Variants in HAUS1 observed in about 807,000 individuals in gnomAD.
The protein encoded by HAUS1 is HAUS augmin-like complex subunit 1.
Under a neutral mutation model 38.6 loss-of-function variants are expected in HAUS1, and 25 were observed. That is an observed-to-expected ratio of 0.65 (90% CI 0.47 to 0.91). HAUS1 has a LOEUF of 0.91. Ranked by LOEUF, HAUS1 falls within the 40% of genes least tolerant of loss-of-function variation. HAUS1 has a pLI of 0.00. For missense variants in HAUS1, 325 were observed against 328.4 expected, an observed-to-expected ratio of 0.99 and a Z score of 0.08; for synonymous variants, 109 against 112.9, an observed-to-expected ratio of 0.97 and a Z score of 0.22.
chr18:46,126,476 A>G (rs1912107960), intron 8 of HAUS1, among the ~76,000 whole-genome samples: 2 of 152,176 alleles, frequency 1.3e-5, no homozygotes, highest in South Asian at 4.1e-4. Flanking sequence ...CATGAAATGT[A>G]AGATAAAGTT....
intron 2 of HAUS1, 108 bp downstream of exon 2, chr18:46,105,476 TATTTTTCC>T: frequency 4.3e-6 from 4 of 921,584 alleles, no homozygotes; most frequent in Non-Finnish European, 6.5e-6. Flanking sequence ...TTTGCTCCTT[TATTTTTCC>T]CAGATTTTCT....
At chr18:46,113,725 TTTG>T (rs375453143) in intron 2 of HAUS1, among the ~76,000 whole-genome samples, 30 of 152,266 alleles carry the variant, frequency 2.0e-4, no homozygotes, top group East Asian at 9.6e-4. Context: ...ATTCCTCTTT[TTTG>T]TTGTTGTTGT....
At position 46,105,188 on chromosome 18, in the gene HAUS1, G is replaced by A. The variant is rs1455360472; in HGVS notation, c.31-6G>A. On this transcript the variant is annotated splice_polypyrimidine_tract_variant and splice_region_variant and intron_variant, in intron 1 of 8. Coordinates refer to ENST00000282058, the MANE Select transcript of HAUS1 (RefSeq NM_138443.4). ...TTATAATATTTGTCTTTCTTTTAATGGTTAGGTTGCTGCGTGGTTAAAAAA... is the reference window on the plus strand; with the variant it reads ...TTATAATATTTGTCTTTCTTTTAATAGTTAGGTTGCTGCGTGGTTAAAAAA... 5 of 1,599,182 alleles carry A rather than the reference G, an allele frequency of 3.1e-6. No individual in the cohort carries two copies. The highest frequency in any genetic ancestry group is 4.3e-6 in the Non-Finnish European group (5 of 1,169,762).
intron 2 of HAUS1, among the ~76,000 whole-genome samples, chr18:46,113,500 C>A (rs1016233150): frequency 2.5e-5 from 1 of 40,354 alleles, no homozygotes; most frequent in Non-Finnish European, 4.6e-5. Context: ...CCATTTAGTT[C>A]TTTTCTTACA....
At chr18:46,115,210 A>G (rs897768728) in intron 2 of HAUS1, 3 of 152,256 alleles carry the variant, frequency 2.0e-5, no homozygotes, top group Admixed American at 6.5e-5. Context: ...GTGTAATCCC[A>G]GCACTTGGGG....
intron 2 of HAUS1, among the ~76,000 whole-genome samples, chr18:46,117,493 G>A (rs1911824390): frequency 1.3e-5 from 2 of 152,116 alleles, no homozygotes; most frequent in South Asian, 4.1e-4. Flanking sequence ...ATAAAGACAG[G>A]GAGTGGTTGC....
intron 2 of HAUS1, among the ~76,000 whole-genome samples, chr18:46,117,684 C>G (rs1233531405): frequency 6.6e-6 from 1 of 152,062 alleles, no homozygotes; most frequent in Non-Finnish European, 1.5e-5. Context: ...GTGGCTTACG[C>G]TTGTAATTCC....
intron 2 of HAUS1, among the ~76,000 whole-genome samples, chr18:46,110,264 C>A (rs903270913): frequency 2.0e-5 from 3 of 149,354 alleles, no homozygotes; most frequent in Admixed American, 6.7e-5. Flanking sequence ...CAAGTGATCC[C>A]CCTGCCTCAG....
chr18:46,118,377 T>G (rs1911851919), intron 3 of HAUS1, 61 bp downstream of exon 3: 3 of 1,521,448 alleles, frequency 2.0e-6, no homozygotes, highest in Admixed American at 3.6e-5. Flanking sequence ...TTAAAGACTT[T>G]TTGTTCTCAG....
At chr18:46,113,644 C>T (rs1911730831) in intron 2 of HAUS1, among the ~76,000 whole-genome samples, 1 of 152,140 alleles carries the variant, frequency 6.6e-6, no homozygotes, top group Non-Finnish European at 1.5e-5. Flanking sequence ...ATAAAGCCAA[C>T]ATCTTGTCAT....
At chr18:46,127,129 C>T (rs994341518) in intron 8 of HAUS1, among the ~76,000 whole-genome samples, 20 of 151,056 alleles carry the variant, frequency 1.3e-4, no homozygotes, top group Admixed American at 2.6e-4. Flanking sequence ...CCACCGTGCG[C>T]GGCCAAATTT....
intron 1 of HAUS1, among the ~76,000 whole-genome samples, chr18:46,104,926 A>G (rs1911417862): frequency 6.6e-6 from 1 of 152,074 alleles, no homozygotes. Flanking sequence ...AAGCGAGGCA[A>G]ATTGTTAGCC....
intron 8 of HAUS1, among the ~76,000 whole-genome samples, chr18:46,127,485 C>A (rs1348669399): frequency 6.6e-6 from 1 of 151,812 alleles, no homozygotes; most frequent in Non-Finnish European, 1.5e-5. Flanking sequence ...GTGGGTGGAT[C>A]AAAAGGTCAA....
intron 4 of HAUS1, among the ~76,000 whole-genome samples, chr18:46,121,388 C>T (rs1013267347): frequency 6.6e-6 from 1 of 152,066 alleles, no homozygotes; most frequent in Non-Finnish European, 1.5e-5. Flanking sequence ...GACGGGGTTT[C>T]ACCATGTTGG....
At position 46,118,224 on chromosome 18, in the gene HAUS1, C is replaced by T. The variant is rs762323019; in HGVS notation, c.249C>T (p.Ser83=). 8 of 1,611,980 alleles carry T rather than the reference C, an allele frequency of 5.0e-6. No homozygotes were observed. The African/African-American group carries it at 1.1e-4, about 22-fold the overall frequency. ...TTCTCATGGAGAGTGTGAATTTTTC[C>T]CCCGCCAATCTCTCTAGCACTGGTT... ...QDLLMESVNF[S]PANLSSTGSR... is the part of the protein sequence containing the mutation. The change falls in exon 3 of 9, where the codon TCC becomes TCT. Residue 83 remains serine (S), a synonymous_variant. Transcript: ENST00000282058.
chr18:46,108,996 G>A (rs1383073907), intron 2 of HAUS1, among the ~76,000 whole-genome samples: 1 of 151,634 alleles, frequency 6.6e-6, no homozygotes, highest in Non-Finnish European at 1.5e-5. Context: ...GCATGAACCT[G>A]GGAGGTGGAG....
rs1460752902 is a variant in HAUS1 at position 46,122,454 on chromosome 18, T to A, written c.477-13T>A. ...GAAGAAGAAGAAAATGTTTTTAATTTTGCTTTTTAAAGGGATGTCAAGAAA... is the reference window on the plus strand; with the variant it reads ...GAAGAAGAAGAAAATGTTTTTAATTATGCTTTTTAAAGGGATGTCAAGAAA... On this transcript the variant is annotated splice_polypyrimidine_tract_variant and intron_variant, in intron 4 of 8. Transcript: ENST00000282058. 6.2e-7 allele frequency: 1 copy of A among 1,611,288 alleles called. No individual in the cohort carries two copies. Among genetic ancestry groups the A allele is most frequent in the African/African-American group, 1.3e-5 (1 of 74,826 alleles).
chr18:46,111,514 G>A (rs1268760081), intron 2 of HAUS1, among the ~76,000 whole-genome samples: 2 of 152,050 alleles, frequency 1.3e-5, no homozygotes, highest in African/African-American at 4.8e-5. Flanking sequence ...TAGAGACGGG[G>A]TTTCGCCATG....
chr18:46,117,973 GATGACT>G (rs369010738), intron 2 of HAUS1, among the ~76,000 whole-genome samples: 44 of 151,938 alleles, frequency 2.9e-4, no homozygotes, highest in African/African-American at 1.0e-3. Flanking sequence ...AAAATAAAGT[GATGACT>G]AAGGGATGTA....
Sources: gnomAD v4.1 joint callset for allele counts (sites outside exome capture counted in the v4.1 genomes callset) on GRCh38, gnomAD v4.1.1 for gene constraint, MANE v1.5 for transcripts, NCBI Gene and HGNC (gene_info 2026-07-23, HGNC 2026-07-21) for gene names.